ZFYVE28: variants seen among roughly 807,000 people sequenced by gnomAD.
ZFYVE28 encodes lateral signaling target protein 2 homolog.
ZFYVE28 carries 40 observed loss-of-function variants against 82.1 expected under a neutral mutation model. The ratio of observed to expected loss-of-function variants is 0.49; its 90% CI spans 0.38 to 0.63. The LOEUF (loss-of-function observed/expected upper bound fraction) is 0.63, where lower values mean the gene tolerates loss of function less well. ZFYVE28 is among the 30% of genes least tolerant of loss of function. The pLI is 0.00. For missense variants in ZFYVE28, 1,321 were observed against 1,242.1 expected, an observed-to-expected ratio of 1.06 and a Z score of -0.96; for synonymous variants, 612 against 546.1, an observed-to-expected ratio of 1.12 and a Z score of -1.68.
chr4:2,294,509 G>GA (rs1560151390), intron 8 of ZFYVE28, among the ~76,000 whole-genome samples: 1 of 151,998 alleles, frequency 6.6e-6, no homozygotes, highest in Admixed American at 6.6e-5. Context: ...AGAAAACATA[G>GA]AAAAAAATTT....
At position 2,402,694 on chromosome 4, in the gene ZFYVE28, T is replaced by C. The variant is rs75674423; in HGVS notation, c.39+15591A>G. On this transcript the variant is annotated intron_variant, in intron 1 of 12. Transcript: ENST00000290974. Reference sequence around the variant, plus strand: ...CAAGAAAAAGGCTTAGAAGGGAATATTAAAAACCGTAGCAGCTGTACCAGA... The same window carrying C: ...CAAGAAAAAGGCTTAGAAGGGAATACTAAAAACCGTAGCAGCTGTACCAGA... Among the ~76,000 whole-genome samples, 385 of 152,250 alleles carry C rather than the reference T, an allele frequency of 2.5e-3. 8 individuals are homozygous for C. The East Asian group carries it at 0.06, about 24-fold the overall frequency.
chr4:2,417,040 G>A lies in ZFYVE28; in HGVS notation c.39+1245C>T, dbSNP rs973741844. ...GCACGGATTTCAGGAAACCTCTGCC[G>A]TGACAGCTCACCCACGGTGGAGGCG... On this transcript the variant is annotated intron_variant, in intron 1 of 12. Coordinates refer to ENST00000290974, the MANE Select transcript of ZFYVE28 (RefSeq NM_020972.3). The surrounding 1 kb of genome is among the most constrained non-coding windows in gnomAD (Gnocchi z 4.8). Among the ~76,000 whole-genome samples, 7 of 152,236 alleles carry A rather than the reference G, an allele frequency of 4.6e-5. No individual in the cohort carries two copies. The highest frequency in any genetic ancestry group is 1.7e-4 in the African/African-American group (7 of 41,464).
At chr4:2,357,769 C>T (rs2108888254) in intron 1 of ZFYVE28, among the ~76,000 whole-genome samples, 1 of 152,310 alleles carries the variant, frequency 6.6e-6, no homozygotes, top group East Asian at 1.9e-4. Flanking sequence ...GATGACAACA[C>T]CTCCTGGAAG....
chr4:2,297,116 C>A (rs1367662508), intron 8 of ZFYVE28, among the ~76,000 whole-genome samples: 1 of 152,214 alleles, frequency 6.6e-6, no homozygotes, highest in Admixed American at 6.5e-5. Flanking sequence ...ATCAGAAGTG[C>A]CAGCCCAGCA....
chr4:2,402,976 A>T (rs550441803), intron 1 of ZFYVE28, among the ~76,000 whole-genome samples: 1 of 152,326 alleles, frequency 6.6e-6, no homozygotes, highest in East Asian at 1.9e-4. Flanking sequence ...CAGAAACAGG[A>T]TCCCCATTTG....
rs1327983949 is a variant in ZFYVE28 at position 2,362,034 on chromosome 4, G to A, written c.40-7961C>T. Among the ~76,000 whole-genome samples the A allele has an allele frequency of 1.3e-5, 2 of 152,052 alleles. No individual in the cohort carries two copies. Among genetic ancestry groups the A allele is most frequent in the African/African-American group, 4.8e-5 (2 of 41,382 alleles). On this transcript the variant is annotated intron_variant, in intron 1 of 12. Transcript: ENST00000290974. This position sits in a 1 kb window ranked among gnomAD's most constrained non-coding sequence, Gnocchi z 5.1. ...CTACTGCCTCCCTCCCCACACAGCT[G>A]AACCCAGGACATAAGCTGGGCTCTA... is the stretch of plus-strand genomic sequence containing the variant.
At position 2,379,696 on chromosome 4, in the gene ZFYVE28, A is replaced by G. The variant is rs796969482; in HGVS notation, c.40-25623T>C. On this transcript the variant is annotated intron_variant, in intron 1 of 12. Transcript: ENST00000290974. ...CATGGGATACATTTCTATGCTTCAA[A>G]GTCCTTACTGATCATCTATCAAATT... 1.6e-4 allele frequency among the ~76,000 whole-genome samples: 24 copies of G among 152,318 alleles called. 1 individual carries two copies. Among genetic ancestry groups the G allele is most frequent in the African/African-American group, 5.5e-4 (23 of 41,570 alleles).
rs1346921251 is a variant in ZFYVE28 at position 2,418,339 on chromosome 4, G to C, written c.-16C>G. The C allele has an allele frequency of 6.7e-7, 1 of 1,503,400 alleles. No homozygotes were observed. The highest frequency in any genetic ancestry group is 1.2e-5 in the South Asian group (1 of 80,430). The allele number at this position is 1,503,400 out of a possible 1,614,324, so 93.1% of individuals were successfully genotyped here. On this transcript the variant is annotated 5_prime_UTR_variant, in exon 1 of 13. Transcript: ENST00000290974. This position sits in a 1 kb window ranked among gnomAD's most constrained non-coding sequence, Gnocchi z 4.6. ...TGTTCATCATCGCCGCGCCGGCCCT[G>C]GCCGGACTCCGGGCGGCCCTCGCCC...
In ZFYVE28 at chr4:2,304,715, G is replaced by A. The variant is rs1355631058; in HGVS notation, c.1625C>T (p.Ala542Val). ...ATQEAASEPV[A>V]EGMDGGPHKL... ...GTGGGGGCCGCCATCCATCCCCTCG[G>A]CCACGGGCTCCGAGGCGGCCTCCTG... The change falls in exon 8 of 13, where the codon GCC becomes GTC. Residue 542 changes from alanine (A) to valine (V), a missense_variant. Physicochemically the swap from Ala to Val is moderately conservative, Grantham distance 64. This residue lies in a region of ZFYVE28 where 978 missense variants were observed against 833.7 expected (regional missense o/e 1.17). Transcript: ENST00000290974. The A allele has an allele frequency of 2.5e-6, 4 of 1,612,578 alleles. No homozygotes were observed. The highest frequency in any genetic ancestry group is 3.4e-6 in the Non-Finnish European group (4 of 1,179,944).
At chr4:2,317,789 C>T (rs368506181) in intron 7 of ZFYVE28, among the ~76,000 whole-genome samples, 1 of 152,138 alleles carries the variant, frequency 6.6e-6, no homozygotes, top group Non-Finnish European at 1.5e-5. Flanking sequence ...TCCGCCACCA[C>T]GCCCAGCTAA....
chr4:2,394,671 G>T lies in ZFYVE28; in HGVS notation c.39+23614C>A, dbSNP rs2108927960. Among the ~76,000 whole-genome samples the T allele has an allele frequency of 2.0e-5, 3 of 152,348 alleles. No individual in the cohort carries two copies. In the South Asian group the frequency reaches 6.2e-4, roughly 32 times the overall value. ...TGCTCGGTCACAGGCAGGGGCCTGG[G>T]TGTCGTGTCACACAGGTCTGCGATC... On this transcript the variant is annotated intron_variant, in intron 1 of 12. Transcript: ENST00000290974. The surrounding 1 kb of genome is among the most constrained non-coding windows in gnomAD (Gnocchi z 4.0).
At chr4:2,275,462 A>G (rs1736333223) in intron 8 of ZFYVE28, among the ~76,000 whole-genome samples, 1 of 152,240 alleles carries the variant, frequency 6.6e-6, no homozygotes. Context: ...TTTTAAATTT[A>G]CTGCTGTTAC....
intron 6 of ZFYVE28, among the ~76,000 whole-genome samples, chr4:2,334,431 T>TAGCCCA (rs1474565748): frequency 6.6e-6 from 1 of 151,908 alleles, no homozygotes; most frequent in Admixed American, 6.6e-5. Flanking sequence ...CCGCTGGCCC[T>TAGCCCA]AGCCCACTGC....
chr4:2,355,168 A>G (rs1725050209), intron 1 of ZFYVE28, among the ~76,000 whole-genome samples: 1 of 128,570 alleles, frequency 7.8e-6, no homozygotes, highest in Admixed American at 8.9e-5. Flanking sequence ...GATTCAAAGA[A>G]GCCCCTTACA....
chr4:2,329,204 T>C lies in ZFYVE28; in HGVS notation c.701+6501A>G, dbSNP rs1720317823. On this transcript the variant is annotated intron_variant, in intron 6 of 12. Transcript: ENST00000290974. ...ATTGCACAGAATCTGTAGATCACTT[T>C]ATGGAGTATTGCCATTCTAACTATA... 9 of 643,960 alleles carry C rather than the reference T, an allele frequency of 1.4e-5. No homozygotes were observed. The South Asian group carries it at 1.5e-4, about 11-fold the overall frequency. The allele number at this position is 643,960 out of a possible 1,614,324, so 39.9% of individuals were successfully genotyped here.
At chr4:2,355,237 T>A (rs1204104430) in intron 1 of ZFYVE28, among the ~76,000 whole-genome samples, 2 of 23,604 alleles carry the variant, frequency 8.5e-5, no homozygotes, top group Admixed American at 3.8e-4. Flanking sequence ...TATATATATA[T>A]ATATATATAT....
chr4:2,285,002 G>C lies in ZFYVE28; in HGVS notation c.2052-10786C>G, dbSNP rs536363797. 1.4e-3 allele frequency among the ~76,000 whole-genome samples: 216 copies of C among 152,348 alleles called. 2 individuals are homozygous for C. The highest frequency in any genetic ancestry group is 2.1e-3 in the Admixed American group (32 of 15,304). On this transcript the variant is annotated intron_variant, in intron 8 of 12. Coordinates refer to ENST00000290974, the MANE Select transcript of ZFYVE28 (RefSeq NM_020972.3). The stretch of plus-strand genomic sequence containing the variant: ...ATACCTTAAAATGTGACCTTATTTG[G>C]AAACAGGGTCATTGCAGGTGTAACT...
Position 2,274,133 on chromosome 4 carries a change from G to A in ZFYVE28, c.2135C>T (p.Thr712Ile), listed in dbSNP as rs2108798538. The change falls in exon 9 of 13, where the codon ACA (threonine) becomes ATA (isoleucine). Residue 712 changes from threonine (T) to isoleucine (I), a missense_variant. By Grantham distance (89) the Thr-to-Ile change is moderately conservative. Coordinates refer to ENST00000290974, the MANE Select transcript of ZFYVE28 (RefSeq NM_020972.3). ...GAACCTGGACCGGATCTTCTCTCTT[G>A]TGGCCTGTGGGGCAGCATGCGTGGC... is the stretch of plus-strand genomic sequence containing the variant. ...PAATHAAPQATREKIRSRFHG... is the reference protein window; with the variant it reads ...PAATHAAPQAIREKIRSRFHG... 1.9e-6 allele frequency: 3 copies of A among 1,613,660 alleles called. No homozygotes were observed. The East Asian group carries it at 6.7e-5, about 36-fold the overall frequency.
Position 2,295,276 on chromosome 4 carries a change from C to T in ZFYVE28, c.2051+9013G>A, listed in dbSNP as rs372096855. Among the ~76,000 whole-genome samples the T allele has an allele frequency of 2.4e-4, 36 of 152,264 alleles. No homozygotes were observed. In the East Asian group the frequency reaches 3.1e-3, roughly 13 times the overall value. ...TCCCAGGTTCAAGTGATTCTCCTGC[C>T]TCAGCCTCCCAAGTAGCTGGGATTG... On this transcript the variant is annotated intron_variant, in intron 8 of 12. Coordinates refer to ENST00000290974, the MANE Select transcript of ZFYVE28 (RefSeq NM_020972.3).
Sources: allele counts gnomAD v4.1 joint callset (sites outside exome capture counted in the v4.1 genomes callset), GRCh38; gene constraint gnomAD v4.1.1; regional missense constraint gnomAD v4.1.1; non-coding constraint Gnocchi (gnomAD v3.1); transcripts MANE v1.5; gene names NCBI Gene and HGNC (gene_info 2026-07-23, HGNC 2026-07-21).